Variants in PTPRD observed in about 807,000 individuals in gnomAD.
PTPRD encodes receptor-type tyrosine-protein phosphatase delta.
In PTPRD, 34 loss-of-function variants were observed where a neutral mutation model predicts 214.5. The observed-to-expected ratio is 0.16, with a 90% CI of 0.12 to 0.21. The LOEUF (loss-of-function observed/expected upper bound fraction) is 0.21, where lower values mean the gene tolerates loss of function less well. Among genes scored for constraint, PTPRD ranks in the 10% least tolerant of loss-of-function variants. PTPRD has a pLI of 1.00. For synonymous variants in PTPRD, 1,128 were observed against 845.7 expected, an observed-to-expected ratio of 1.33 and a Z score of -5.79; for missense variants, 2,545 against 2,398.7, an observed-to-expected ratio of 1.06 and a Z score of -1.27.
chr9:10,610,445 T>G lies in PTPRD; in HGVS notation c.-600+1953A>C, dbSNP rs1419149722. On this transcript the variant is annotated intron_variant, in intron 2 of 45. Coordinates refer to ENST00000381196, the MANE Select transcript of PTPRD (RefSeq NM_002839.4). ...CTATACTAATATATGTAATAACATG[T>G]TTGAACCACTGTTAAATTTGCCCTA... Among the ~76,000 whole-genome samples, 3 of 152,152 alleles carry G rather than the reference T, an allele frequency of 2.0e-5. No homozygotes were observed. The South Asian group carries it at 6.2e-4, about 32-fold the overall frequency.
intron 11 of PTPRD, among the ~76,000 whole-genome samples, chr9:8,902,320 T>TTTTTC (rs976037614): frequency 1.3e-5 from 2 of 150,186 alleles, no homozygotes; most frequent in African/African-American, 2.4e-5. Context: ...GGAATTGGCA[T>TTTTTC]TTTTCTTTTC....
intron 33 of PTPRD, among the ~76,000 whole-genome samples, chr9:8,458,356 C>A (rs1477418204): frequency 6.6e-6 from 1 of 152,060 alleles, no homozygotes; most frequent in Non-Finnish European, 1.5e-5. Context: ...ATACCATATA[C>A]ATCTGTTGCT....
intron 6 of PTPRD, among the ~76,000 whole-genome samples, chr9:9,749,367 C>G (rs968281580): frequency 6.6e-6 from 1 of 152,158 alleles, no homozygotes; most frequent in African/African-American, 2.4e-5. Flanking sequence ...TTCCAATCAT[C>G]TCTATAATAA....
chr9:9,889,820 T>C (rs777509413), intron 5 of PTPRD, among the ~76,000 whole-genome samples: 6 of 151,864 alleles, frequency 4.0e-5, no homozygotes, highest in Non-Finnish European at 8.8e-5. Flanking sequence ...TGTATGTGTG[T>C]GTGTGTGTCT....
At position 10,607,777 on chromosome 9, in the gene PTPRD, T is replaced by A. The variant is rs183471731; in HGVS notation, c.-600+4621A>T. 5.1e-4 allele frequency among the ~76,000 whole-genome samples: 77 copies of A among 152,124 alleles called. No individual in the cohort carries two copies. In the East Asian group the frequency reaches 9.8e-3, roughly 19 times the overall value. On this transcript the variant is annotated intron_variant, in intron 2 of 45. Coordinates refer to ENST00000381196, the MANE Select transcript of PTPRD (RefSeq NM_002839.4). The stretch of plus-strand genomic sequence containing the variant: ...TGGTTTTCTTTAAGAAAAGCAAGCA[T>A]TTAAAATTAACATTGCATATATTCC...
chr9:8,905,891 T>C (rs965462241), intron 11 of PTPRD, among the ~76,000 whole-genome samples: 1 of 152,230 alleles, frequency 6.6e-6, no homozygotes, highest in Non-Finnish European at 1.5e-5. Flanking sequence ...ATGTCTGTGT[T>C]GCTAACTTAT....
intron 14 of PTPRD, among the ~76,000 whole-genome samples, chr9:8,580,219 A>G (rs115366701): frequency 0.014 from 2,208 of 152,336 alleles, 55 homozygotes; most frequent in African/African-American, 0.05. Flanking sequence ...AGATAAAGGA[A>G]CAAGGTAATA....
At chr9:9,533,031 C>T (rs1453085604) in intron 8 of PTPRD, among the ~76,000 whole-genome samples, 1 of 152,084 alleles carries the variant, frequency 6.6e-6, no homozygotes, top group Non-Finnish European at 1.5e-5. Context: ...GCTCAACATC[C>T]TTGGCTTTTT....
intron 3 of PTPRD, among the ~76,000 whole-genome samples, chr9:10,194,351 G>T (rs1425177485): frequency 0.11 from 826 of 7,654 alleles, 3 homozygotes; most frequent in African/African-American, 0.19. Context: ...TATATAGAGA[G>T]AGAGAGAGAG....
Position 9,947,511 on chromosome 9 carries a change from TAA to T in PTPRD, c.-471-8903_-471-8902del, listed in dbSNP as rs1239761337. Reference sequence around the variant, plus strand: ...ATATATTATATATATTTTATATATATAATATATATATTATATATATTTTATAT... The same window carrying T: ...ATATATTATATATATTTTATATATATTATATATATTATATATATTTTATAT... On this transcript the variant is annotated intron_variant, in intron 4 of 45. Coordinates refer to ENST00000381196, the MANE Select transcript of PTPRD (RefSeq NM_002839.4). 4.4e-3 allele frequency among the ~76,000 whole-genome samples: 133 copies of T among 30,344 alleles called. 4 individuals are homozygous for T. In the East Asian group the frequency reaches 0.12, roughly 28 times the overall value. 19.9% of individuals were successfully genotyped at this position (30,344 alleles called of 152,430 possible).
intron 11 of PTPRD, among the ~76,000 whole-genome samples, chr9:8,999,997 G>A (rs140913682): frequency 2.4e-4 from 37 of 152,116 alleles, no homozygotes; most frequent in Non-Finnish European, 4.7e-4. Flanking sequence ...AGACATATTA[G>A]TTTCCATATG....
In PTPRD at chr9:9,505,520, T is replaced by C. The variant is rs987906668; in HGVS notation, c.-237+69212A>G. Reference sequence around the variant, plus strand: ...ATTTAGTATCAGAGAAACGTGTAGCTGTCATTATTATTTGAGGTACTCAAA... The same window carrying C: ...ATTTAGTATCAGAGAAACGTGTAGCCGTCATTATTATTTGAGGTACTCAAA... On this transcript the variant is annotated intron_variant, in intron 8 of 45. Transcript: ENST00000381196. Among the ~76,000 whole-genome samples, 3 of 151,472 alleles carry C rather than the reference T, an allele frequency of 2.0e-5. No homozygotes were observed. In the Admixed American group the frequency reaches 2.0e-4, roughly 10 times the overall value.
chr9:8,788,658 A>G (rs987600940), intron 11 of PTPRD, among the ~76,000 whole-genome samples: 11 of 152,206 alleles, frequency 7.2e-5, no homozygotes, highest in African/African-American at 2.4e-4. Flanking sequence ...CAAAACAAAC[A>G]TCTACACTGA....
intron 9 of PTPRD, among the ~76,000 whole-genome samples, chr9:9,306,214 A>G (rs920790822): frequency 1.3e-5 from 2 of 152,058 alleles, no homozygotes. Context: ...TGAATATTTA[A>G]GGGCTGATTT....
At chr9:9,646,929 G>A (rs543966296) in intron 7 of PTPRD, among the ~76,000 whole-genome samples, 36 of 152,268 alleles carry the variant, frequency 2.4e-4, no homozygotes, top group Admixed American at 5.2e-4. Flanking sequence ...CTGAAACTAT[G>A]GAAAGCAAAA....
At chr9:8,467,065 C>A (rs2096559021) in intron 31 of PTPRD, among the ~76,000 whole-genome samples, 1 of 151,922 alleles carries the variant, frequency 6.6e-6, no homozygotes, top group East Asian at 1.9e-4. Context: ...ATGTAAAAAA[C>A]CAGTTTTTCA....
In PTPRD at chr9:10,018,368, T is replaced by A. The variant is rs185105495; in HGVS notation, c.-472+15350A>T. ...TACAGGCAGACTTTCTCAGTGTATC[T>A]GTCAGTTTCAGAGCTTTCTTAAGTG... On this transcript the variant is annotated intron_variant, in intron 4 of 45. Transcript: ENST00000381196. 7.7e-4 allele frequency among the ~76,000 whole-genome samples: 117 copies of A among 152,208 alleles called. 1 individual carries two copies. The highest frequency in any genetic ancestry group is 3.4e-3 in the Middle Eastern group (1 of 294).
At chr9:10,539,466 T>G (rs1161285332) in intron 2 of PTPRD, among the ~76,000 whole-genome samples, 1 of 152,232 alleles carries the variant, frequency 6.6e-6, no homozygotes, top group Non-Finnish European at 1.5e-5. Context: ...ATTACAGGCG[T>G]GAGCCACCAC....
rs141920894 is a variant in PTPRD, at chr9:8,500,963, C to G, written c.1919G>C (p.Gly640Ala). The G allele has an allele frequency of 6.2e-7, 1 of 1,614,006 alleles. No individual in the cohort carries two copies. The highest frequency in any genetic ancestry group is 8.5e-7 in the Non-Finnish European group (1 of 1,179,968). Reference sequence around the variant, plus strand: ...CTTGATGGAGTATTCAGTGATAATGCCATTCTGTTTTTCCACTGGTGGAGG... The same window carrying G: ...CTTGATGGAGTATTCAGTGATAATGGCATTCTGTTTTTCCACTGGTGGAGG... ...WQPPPVEKQNGIITEYSIKYT... is the reference protein window; with the variant it reads ...WQPPPVEKQNAIITEYSIKYT... Residue 640 changes from glycine (G) to alanine (A), a missense_variant, in exon 24 of 46, where the codon GGC becomes GCC. Coordinates refer to ENST00000381196, the MANE Select transcript of PTPRD (RefSeq NM_002839.4).
Sources: allele counts gnomAD v4.1 joint callset (sites outside exome capture counted in the v4.1 genomes callset), GRCh38; gene constraint gnomAD v4.1.1; transcripts MANE v1.5; gene names NCBI Gene and HGNC (gene_info 2026-07-23, HGNC 2026-07-21).